ANK2: variants seen among roughly 807,000 people sequenced by gnomAD.
ANK2 encodes the protein ankyrin 2.
Under a neutral mutation model 360.5 loss-of-function variants are expected in ANK2, and 83 were observed. That is an observed-to-expected ratio of 0.23 (90% CI 0.19 to 0.28). ANK2 has a LOEUF of 0.28. Ranked by LOEUF, ANK2 falls within the 10% of genes least tolerant of loss-of-function variation. The pLI, the probability that ANK2 is intolerant of heterozygous loss-of-function variation, is 1.00. For synonymous variants in ANK2, 1,740 were observed against 1,759.5 expected (o/e 0.99, Z 0.28); for missense variants, 4,201 against 4,795.7 (o/e 0.88, Z 3.66).
rs141488887 is a variant in ANK2, at chr4:112,856,499, G to T, written c.-40+38235G>T. ...TCCCAGCACTTTGGGAGACTGAGGTGGGCAGAACACTTGAGGTCAGGGGTT... is the reference window on the plus strand; with the variant it reads ...TCCCAGCACTTTGGGAGACTGAGGTTGGCAGAACACTTGAGGTCAGGGGTT... On this transcript the variant is annotated intron_variant, in intron 1 of 30. Coordinates refer to the ANK2 transcript ENST00000503271. Among the ~76,000 whole-genome samples the T allele has an allele frequency of 6.4e-3, 981 of 152,272 alleles. 9 individuals carry two copies. The highest frequency in any genetic ancestry group is 0.034 in the South Asian group (164 of 4,828).
At chr4:113,035,424 A>AT (rs1363749943) in intron 2 of ANK2, among the ~76,000 whole-genome samples, 1 of 151,846 alleles carries the variant, frequency 6.6e-6, no homozygotes, top group Non-Finnish European at 1.5e-5. Context: ...GAAAATAGGT[A>AT]TTTTTTAATC....
At chr4:113,068,780 G>T (rs1272921247) in intron 1 of ANK2, among the ~76,000 whole-genome samples, 1 of 152,210 alleles carries the variant, frequency 6.6e-6, no homozygotes, top group Non-Finnish European at 1.5e-5. Flanking sequence ...GGAAGTTAGA[G>T]CTGGGCATGG....
At chr4:113,052,460 C>G (rs921637169) in intron 1 of ANK2, among the ~76,000 whole-genome samples, 28 of 152,256 alleles carry the variant, frequency 1.8e-4, no homozygotes, top group African/African-American at 6.5e-4. Flanking sequence ...AAATACGTAA[C>G]AGATGGGCTG....
chr4:112,993,326 A>G (rs576437864), intron 2 of ANK2, among the ~76,000 whole-genome samples: 97 of 152,156 alleles, frequency 6.4e-4, no homozygotes, highest in Non-Finnish European at 1.2e-3. Flanking sequence ...TTTTTTAGAC[A>G]GAGTCTCGCT....
At chr4:113,147,244 G>T (rs999738606) in intron 1 of ANK2, among the ~76,000 whole-genome samples, 5 of 152,150 alleles carry the variant, frequency 3.3e-5, no homozygotes, top group African/African-American at 1.2e-4. Flanking sequence ...GCACAGGCGA[G>T]GTTTGTAACC....
chr4:112,759,789 T>C, the ANK2 span, among the ~76,000 whole-genome samples: 1 of 152,208 alleles, frequency 6.6e-6, no homozygotes, highest in Non-Finnish European at 1.5e-5. Context: ...TTCAAAGTGC[T>C]TCTACGTTCA....
Position 113,355,061 on chromosome 4 carries a change from A to G in ANK2, c.6443A>G (p.Asp2148Gly), listed in dbSNP as rs1564009622. ...ATTAAGCAAGAGTTGGAAGACAATG[A>G]CAAATACCAACAATTCCGCCTGAGT... ...EVIKQELEDNDKYQQFRLSEE... is the reference protein window; with the variant it reads ...EVIKQELEDNGKYQQFRLSEE... Residue 2148 changes from aspartate to glycine, a missense_variant, in exon 38 of 46, where the codon GAC becomes GGC. Around this residue, in one of 4 missense-constraint regions of ANK2, gnomAD observed 2,642 missense variants for 2,714.5 expected, o/e 0.97. Coordinates refer to ENST00000357077, the MANE Select transcript of ANK2 (RefSeq NM_001148.6). The G allele has an allele frequency of 6.2e-7, 1 of 1,614,132 alleles. No individual in the cohort carries two copies. The highest frequency in any genetic ancestry group is 8.5e-7 in the Non-Finnish European group (1 of 1,179,980).
chr4:113,116,373 C>T (rs141899568), intron 1 of ANK2, among the ~76,000 whole-genome samples: 187 of 152,228 alleles, frequency 1.2e-3, no homozygotes, highest in African/African-American at 4.2e-3. Context: ...CCAGGAAAAC[C>T]TCGCTGAGCC....
At chr4:113,321,891 C>T (rs935724295) in intron 26 of ANK2, among the ~76,000 whole-genome samples, 1 of 152,214 alleles carries the variant, frequency 6.6e-6, no homozygotes, top group Non-Finnish European at 1.5e-5. Flanking sequence ...CACCACCATG[C>T]CCAGCTAATT....
At chr4:112,916,441 G>T (rs2151097670) in intron 2 of ANK2, among the ~76,000 whole-genome samples, 1 of 152,274 alleles carries the variant, frequency 6.6e-6, no homozygotes, top group African/African-American at 2.4e-5. Context: ...CTAAATTATG[G>T]TTATGAAGCA....
At chr4:113,152,122 T>C (rs750004197) in intron 1 of ANK2, among the ~76,000 whole-genome samples, 10 of 151,268 alleles carry the variant, frequency 6.6e-5, no homozygotes, top group Non-Finnish European at 1.5e-4. Context: ...AAGATTACAT[T>C]GTAATGTTAA....
intron 1 of ANK2, among the ~76,000 whole-genome samples, chr4:113,155,694 C>T (rs1480540268): frequency 1.3e-5 from 2 of 152,090 alleles, no homozygotes; most frequent in East Asian, 1.9e-4. Flanking sequence ...AGTGGAACTT[C>T]ATACTTTTTG....
the ANK2 span, among the ~76,000 whole-genome samples, chr4:112,738,393 CA>C: frequency 2.7e-5 from 3 of 109,652 alleles, no homozygotes; most frequent in African/African-American, 1.1e-4. Flanking sequence ...GCCTGGGCAA[CA>C]AGAGTGAGAG....
intron 9 of ANK2, among the ~76,000 whole-genome samples, chr4:113,248,157 C>T (rs1229522872): frequency 6.6e-6 from 1 of 152,064 alleles, no homozygotes; most frequent in African/African-American, 2.4e-5. Context: ...TTTCACAAAG[C>T]AAAGAATCAT....
chr4:113,227,914 T>C (rs1023631779), intron 4 of ANK2, among the ~76,000 whole-genome samples: 4 of 152,232 alleles, frequency 2.6e-5, no homozygotes, highest in African/African-American at 9.6e-5. Flanking sequence ...ACTTGAGCTG[T>C]CCCAGACAAA....
intron 1 of ANK2, among the ~76,000 whole-genome samples, chr4:113,060,137 A>T (rs936684076): frequency 2.6e-5 from 4 of 152,124 alleles, no homozygotes; most frequent in African/African-American, 9.6e-5. Context: ...ATGACAGTCA[A>T]ATAGGGGTCT....
intron 2 of ANK2, among the ~76,000 whole-genome samples, chr4:112,949,993 A>G (rs1017390353): frequency 6.6e-6 from 1 of 152,264 alleles, no homozygotes; most frequent in Non-Finnish European, 1.5e-5. Flanking sequence ...CAGTTGATCA[A>G]TAAACATAAT....
Position 112,948,924 on chromosome 4 carries a change from T to C in ANK2, c.21+44410T>C, listed in dbSNP as rs149331548. On this transcript the variant is annotated intron_variant, in intron 2 of 30. Coordinates refer to the ANK2 transcript ENST00000503271. ...ATTGCTTTTGGTGCTTTCCTGGCTA[T>C]CAAATGTCCTCTTCATCTCAGGCCT... Among the ~76,000 whole-genome samples, 452 of 152,278 alleles carry C rather than the reference T, an allele frequency of 3.0e-3. 3 individuals are homozygous for C. The highest frequency in any genetic ancestry group is 9.7e-3 in the African/African-American group (404 of 41,540).
At chr4:112,733,624 T>A in the ANK2 span, among the ~76,000 whole-genome samples, 2 of 152,218 alleles carry the variant, frequency 1.3e-5, no homozygotes, top group East Asian at 3.8e-4. Context: ...AAATTAAACA[T>A]TTGTGGAATG....
Sources: gnomAD v4.1 joint callset for allele counts (sites outside exome capture counted in the v4.1 genomes callset) on GRCh38, gnomAD v4.1.1 for gene constraint, gnomAD v4.1.1 regional missense constraint, MANE v1.5 for transcripts, NCBI Gene and HGNC (gene_info 2026-07-23, HGNC 2026-07-21) for gene names.